The following CNPY1 variants were observed in gnomAD, a reference collection of about 807,000 sequenced individuals.
The protein encoded by CNPY1 is protein canopy homolog 1.
A neutral mutation model predicts 14.4 loss-of-function variants in CNPY1; 14 were observed. The ratio of observed to expected loss-of-function variants is 0.97; its 90% confidence interval spans 0.64 to 1.52. The LOEUF (loss-of-function observed/expected upper bound fraction) is 1.52, where lower values mean the gene tolerates loss of function less well. Ranked by LOEUF, CNPY1 falls within the 40% of genes most tolerant of loss-of-function variation. CNPY1 has a pLI of 0.00. For missense variants in CNPY1, 129 were observed against 131.5 expected, an observed-to-expected ratio of 0.98 and a Z score of 0.09; for synonymous variants, 43 against 46.5, an observed-to-expected ratio of 0.92 and a Z score of 0.31.
chr7:155,530,472 G>A (rs776722032), intron 2 of CNPY1, among the ~76,000 whole-genome samples: 6 of 151,964 alleles, frequency 3.9e-5, no homozygotes, highest in Non-Finnish European at 7.4e-5. Context: ...GACTACAGAT[G>A]TGTACCACCA....
At chr7:155,504,121 CCT>C (rs1050047870) in intron 4 of CNPY1, among the ~76,000 whole-genome samples, 16 of 152,154 alleles carry the variant, frequency 1.1e-4, no homozygotes, top group South Asian at 2.1e-4. Context: ...GGAATAACCC[CCT>C]GTTACTCTGT....
intron 2 of CNPY1, among the ~76,000 whole-genome samples, chr7:155,517,322 C>T (rs545342640): frequency 6.6e-6 from 1 of 152,312 alleles, no homozygotes; most frequent in East Asian, 1.9e-4. Flanking sequence ...CAAGGAGAGG[C>T]CTCAGGAGAA....
At chr7:155,531,624 C>T (rs1224727660) in intron 2 of CNPY1, among the ~76,000 whole-genome samples, 1 of 152,114 alleles carries the variant, frequency 6.6e-6, no homozygotes, top group Non-Finnish European at 1.5e-5. Context: ...ACACAGCCAG[C>T]GTTCAGAGAG....
chr7:155,514,995 G>C (rs1386485457), intron 2 of CNPY1, among the ~76,000 whole-genome samples: 1 of 152,206 alleles, frequency 6.6e-6, no homozygotes, highest in Non-Finnish European at 1.5e-5. Context: ...AATTCTGCGT[G>C]CTTCATCTCA....
chr7:155,502,854 T>C lies in CNPY1; in HGVS notation c.*214A>G, dbSNP rs571940348. Reference sequence around the variant, plus strand: ...AAAATCTGCAAAGGTTAATTTAAGTTTCATGTACTCCTCAGCTTCACCTAT... The same window carrying C: ...AAAATCTGCAAAGGTTAATTTAAGTCTCATGTACTCCTCAGCTTCACCTAT... On this transcript the variant is annotated 3_prime_UTR_variant, in exon 5 of 5. Transcript: ENST00000636446. 2 of 517,282 alleles carry C rather than the reference T, an allele frequency of 3.9e-6. No homozygotes were observed. Among genetic ancestry groups the C allele is most frequent in the Admixed American group, 3.4e-5 (1 of 29,814 alleles). The allele number at this position is 517,282 out of a possible 1,614,324, so 32.0% of individuals were successfully genotyped here. A position where few individuals can be genotyped will look rare whatever the true frequency, so the allele number is the denominator to read the frequency against.
intron 2 of CNPY1, among the ~76,000 whole-genome samples, chr7:155,511,295 A>G (rs995711636): frequency 1.3e-5 from 2 of 152,196 alleles, no homozygotes; most frequent in Non-Finnish European, 2.9e-5. Context: ...CACTTAATTC[A>G]TGTTGAGTAG....
At chr7:155,542,798 T>C (rs1284305630) in intron 2 of CNPY1, among the ~76,000 whole-genome samples, 1 of 152,200 alleles carries the variant, frequency 6.6e-6, no homozygotes, top group East Asian at 1.9e-4. Context: ...GGCTGCTCTC[T>C]GGGGGCCTCC....
At chr7:155,509,942 G>C (rs1223451964) in intron 2 of CNPY1, among the ~76,000 whole-genome samples, 1 of 152,172 alleles carries the variant, frequency 6.6e-6, no homozygotes, top group Non-Finnish European at 1.5e-5. Context: ...TGCAGGATGC[G>C]GCGTCCCCGC....
At chr7:155,503,201 G>T in intron 4 of CNPY1, 96 bp from the exon 5 acceptor site, 3 of 1,002,502 alleles carry the variant, frequency 3.0e-6, no homozygotes, top group Middle Eastern at 2.1e-4. Flanking sequence ...TCTGGTAGAA[G>T]CATATTTTAA....
intron 2 of CNPY1, among the ~76,000 whole-genome samples, chr7:155,532,050 T>C (rs1283804336): frequency 6.6e-6 from 1 of 152,250 alleles, no homozygotes; most frequent in Non-Finnish European, 1.5e-5. Context: ...AAGATATGCG[T>C]CAGCATCTGC....
intron 2 of CNPY1, among the ~76,000 whole-genome samples, chr7:155,521,047 A>AG (rs796088589): frequency 3.6e-5 from 3 of 83,158 alleles, no homozygotes; most frequent in Admixed American, 1.4e-4. Context: ...GAATGAAAAA[A>AG]AAAGAAAGAA....
At chr7:155,538,069 C>CT (rs914439701) in intron 2 of CNPY1, among the ~76,000 whole-genome samples, 14 of 152,294 alleles carry the variant, frequency 9.2e-5, no homozygotes, top group African/African-American at 3.1e-4. Flanking sequence ...TTAATAACCT[C>CT]TTTTTTGCAC....
chr7:155,508,534 CACTG>C lies in CNPY1; in HGVS notation c.303+356_303+359del, dbSNP rs780864833. Among the ~76,000 whole-genome samples the C allele has an allele frequency of 2.4e-4, 36 of 152,324 alleles. 1 individual carries two copies. The Middle Eastern group carries it at 0.01, about 43-fold the overall frequency. On this transcript the variant is annotated intron_variant, in intron 3 of 4. Coordinates refer to ENST00000636446, the MANE Select transcript of CNPY1 (RefSeq NM_001393663.1). ...CTGTGAGAGACCTTCCTTGCACCAG[CACTG>C]ACTAAGACCACTCTGGAGTCCCCAC...
intron 2 of CNPY1, chr7:155,510,286 A>C (rs2116691788): frequency 6.6e-6 from 1 of 152,366 alleles, no homozygotes; most frequent in South Asian, 2.1e-4. Flanking sequence ...GTCCCCTTGA[A>C]AGCGCGGGCG....
intron 2 of CNPY1, among the ~76,000 whole-genome samples, chr7:155,526,224 TG>T (rs1265988329): frequency 6.6e-6 from 1 of 152,156 alleles, no homozygotes; most frequent in Non-Finnish European, 1.5e-5. Flanking sequence ...CAACTCAGTG[TG>T]GGGGAGCAAG....
intron 2 of CNPY1, among the ~76,000 whole-genome samples, chr7:155,529,322 T>A (rs1420546196): frequency 1.3e-5 from 2 of 152,138 alleles, no homozygotes; most frequent in Admixed American, 6.5e-5. Context: ...CCTTTGGCCA[T>A]CACCCTCACC....
intron 2 of CNPY1, among the ~76,000 whole-genome samples, chr7:155,541,581 C>T (rs1316816358): frequency 6.6e-6 from 1 of 152,222 alleles, no homozygotes; most frequent in Admixed American, 6.5e-5. Flanking sequence ...GCAGGTCAGC[C>T]TCAGATGATG....
intron 4 of CNPY1, among the ~76,000 whole-genome samples, chr7:155,505,851 C>T (rs1796287433): frequency 6.6e-6 from 1 of 152,108 alleles, no homozygotes; most frequent in Non-Finnish European, 1.5e-5. Context: ...AAGAAAAATA[C>T]CCCAAATGCC....
rs763339852 is a variant in CNPY1 at position 155,502,465 on chromosome 7, T to C, written c.*603A>G. On this transcript the variant is annotated 3_prime_UTR_variant, in exon 5 of 5. Coordinates refer to ENST00000636446, the MANE Select transcript of CNPY1 (RefSeq NM_001393663.1). ...CAATATAATTATTGTTTACTATAAA[T>C]TAAAGCATTCATTAGTTTTTACACA... 3 of 152,308 alleles carry C rather than the reference T, an allele frequency of 2.0e-5. No individual in the cohort carries two copies. Among genetic ancestry groups the C allele is most frequent in the Non-Finnish European group, 2.9e-5 (2 of 68,096 alleles). 9.4% of individuals were successfully genotyped at this position (152,308 alleles called of 1,614,324 possible). A position where few individuals can be genotyped will look rare whatever the true frequency, so the allele number is the denominator to read the frequency against.
Sources: allele counts gnomAD v4.1 joint callset (sites outside exome capture counted in the v4.1 genomes callset), GRCh38; gene constraint gnomAD v4.1.1; transcripts MANE v1.5; gene names NCBI Gene and HGNC (gene_info 2026-07-23, HGNC 2026-07-21).